The following ZDHHC3 variants were observed in gnomAD, a reference collection of about 807,000 sequenced individuals.
The protein encoded by ZDHHC3 is zDHHC palmitoyltransferase 3.
ZDHHC3 carries 9 observed loss-of-function variants against 30.6 expected under a neutral mutation model. The ratio of observed to expected loss-of-function variants is 0.29; its 90% CI spans 0.18 to 0.51. The LOEUF (loss-of-function observed/expected upper bound fraction) is 0.51. ZDHHC3 is among the 20% of genes least tolerant of loss of function. ZDHHC3 has a pLI of 0.97. For synonymous variants in ZDHHC3, 136 were observed against 140.2 expected (o/e 0.97, Z 0.21); for missense variants, 246 against 384.2 (o/e 0.64, Z 3.01).
intron 3 of ZDHHC3, among the ~76,000 whole-genome samples, chr3:44,940,137 C>T (rs1436057369): frequency 1.3e-5 from 2 of 152,192 alleles, no homozygotes; most frequent in Non-Finnish European, 2.9e-5. Context: ...CTGGCACCAT[C>T]TGCCATGAGG....
chr3:44,927,873 C>A (rs1701136788), intron 6 of ZDHHC3, among the ~76,000 whole-genome samples: 2 of 152,230 alleles, frequency 1.3e-5, no homozygotes, highest in South Asian at 4.1e-4. Context: ...TCTTTCTTCA[C>A]AGCCTAGGGA....
Position 44,916,060 on chromosome 3 carries a change from T to C in ZDHHC3, c.*10629A>G, listed in dbSNP as rs541667801. 6.6e-6 allele frequency: 1 copy of C among 152,362 alleles called. No homozygotes were observed. Among genetic ancestry groups the C allele is most frequent in the African/African-American group, 2.4e-5 (1 of 41,580 alleles). 9.4% of individuals were successfully genotyped at this position (152,362 alleles called of 1,614,324 possible). ...CCTTTACAGCTGACTCGGGCTCCTA[T>C]GTCGTCATTAATAAATATTAAAGCT... On this transcript the variant is annotated 3_prime_UTR_variant, in exon 7 of 7. Transcript: ENST00000424952.
intron 2 of ZDHHC3, among the ~76,000 whole-genome samples, chr3:44,958,064 C>T (rs1046397372): frequency 3.3e-5 from 5 of 152,178 alleles, no homozygotes; most frequent in Non-Finnish European, 7.3e-5. Flanking sequence ...TTCCCTCAGG[C>T]GATGGCTGTC....
intron 1 of ZDHHC3, chr3:44,969,786 G>A (rs1036167254): frequency 3.9e-5 from 6 of 152,212 alleles, no homozygotes; most frequent in African/African-American, 1.4e-4. Context: ...TAGGAGGCAG[G>A]AAGGCCGTGA....
At chr3:44,940,801 A>G (rs1702376754) in intron 3 of ZDHHC3, among the ~76,000 whole-genome samples, 1 of 152,074 alleles carries the variant, frequency 6.6e-6, no homozygotes, top group Non-Finnish European at 1.5e-5. Context: ...TTTCCTCTCC[A>G]AGGAGGTATG....
At position 44,918,090 on chromosome 3, in the gene ZDHHC3, C is replaced by T. The variant is rs1700314060; in HGVS notation, c.*8599G>A. On this transcript the variant is annotated 3_prime_UTR_variant, in exon 7 of 7. Coordinates refer to ENST00000424952, the MANE Select transcript of ZDHHC3 (RefSeq NM_001135179.2). ...CACCAAAGGTCTCCTTTACTGACTG[C>T]CAGCTCCCCATGTGCTCCCTGGGCT... 7.7e-7 allele frequency: 1 copy of T among 1,305,320 alleles called. No homozygotes were observed. The highest frequency in any genetic ancestry group is 1.2e-5 in the South Asian group (1 of 81,038). 80.9% of individuals were successfully genotyped at this position (1,305,320 alleles called of 1,614,324 possible).
chr3:44,921,424 C>T lies in ZDHHC3; in HGVS notation c.*5265G>A. 2 of 985,434 alleles carry T rather than the reference C, an allele frequency of 2.0e-6. No individual in the cohort carries two copies. Among genetic ancestry groups the T allele is most frequent in the South Asian group, 4.7e-5 (1 of 21,292 alleles). The allele number at this position is 985,434 out of a possible 1,614,324, so 61.0% of individuals were successfully genotyped here. A position where few individuals can be genotyped will look rare whatever the true frequency, so the allele number is the denominator to read the frequency against. Reference sequence around the variant, plus strand: ...TTTCATACCTCTATATTGTAACCCACAAGAGGAAACATTTTTCTGTTGCAT... The same window carrying T: ...TTTCATACCTCTATATTGTAACCCATAAGAGGAAACATTTTTCTGTTGCAT... On this transcript the variant is annotated 3_prime_UTR_variant, in exon 7 of 7. Transcript: ENST00000424952.
intron 3 of ZDHHC3, among the ~76,000 whole-genome samples, chr3:44,936,817 G>A (rs1467636467): frequency 6.6e-6 from 1 of 151,762 alleles, no homozygotes; most frequent in African/African-American, 2.4e-5. Context: ...CCCAACACAC[G>A]AGTTTATCTA....
rs750827618 is a variant in ZDHHC3, at chr3:44,929,443, G to A, written c.611-7C>T. On this transcript the variant is annotated splice_polypyrimidine_tract_variant and splice_region_variant and intron_variant, in intron 5 of 6. Coordinates refer to ENST00000424952, the MANE Select transcript of ZDHHC3 (RefSeq NM_001135179.2). ...GGAGAGAAGGAGCTGCACTCTGAAA[G>A]AGAAGCAGCACACAGGGATTGGTAC... 1.2e-6 allele frequency: 2 copies of A among 1,613,694 alleles called. No homozygotes were observed.
chr3:44,930,981 C>T (rs780714928), intron 5 of ZDHHC3, among the ~76,000 whole-genome samples: 5 of 152,178 alleles, frequency 3.3e-5, no homozygotes, highest in Non-Finnish European at 5.9e-5. Context: ...CTGTTCCAGC[C>T]CCTGTGTCTT....
intron 5 of ZDHHC3, among the ~76,000 whole-genome samples, chr3:44,932,073 T>C (rs1234323874): frequency 6.6e-6 from 1 of 152,108 alleles, no homozygotes; most frequent in Non-Finnish European, 1.5e-5. Flanking sequence ...TGGGAGGTGT[T>C]TGGGATGATA....
At chr3:44,965,678 T>C (rs1277705715) in intron 1 of ZDHHC3, among the ~76,000 whole-genome samples, 1 of 152,188 alleles carries the variant, frequency 6.6e-6, no homozygotes, top group African/African-American at 2.4e-5. Flanking sequence ...CAAAGCATGA[T>C]TGTCACATCA....
In ZDHHC3 at chr3:44,922,440, T is replaced by G. The variant is rs1018344279; in HGVS notation, c.*4249A>C. The stretch of plus-strand genomic sequence containing the variant: ...AAGGAGTGGTGGGCAGGCTAATAAT[T>G]TGGATCTGCTTCATACAGACTTTCT... On this transcript the variant is annotated 3_prime_UTR_variant, in exon 7 of 7. Transcript: ENST00000424952. 2.0e-6 allele frequency: 2 copies of G among 985,298 alleles called. No homozygotes were observed. Among genetic ancestry groups the G allele is most frequent in the Admixed American group, 6.1e-5 (1 of 16,266 alleles). The allele number at this position is 985,298 out of a possible 1,614,324, so 61.0% of individuals were successfully genotyped here. A position where few individuals can be genotyped will look rare whatever the true frequency, so the allele number is the denominator to read the frequency against.
In ZDHHC3 at chr3:44,967,726, TA is replaced by T. The variant is rs531242357; in HGVS notation, c.-25+8206del. On this transcript the variant is annotated intron_variant, in intron 1 of 6. Coordinates refer to ENST00000424952, the MANE Select transcript of ZDHHC3 (RefSeq NM_001135179.2). Reference sequence around the variant, plus strand: ...CAAGCCACTTGTAAGAGTAACTGGTTAAAAAAAATCAGAATTTTAGAGCTGG... The same window carrying T: ...CAAGCCACTTGTAAGAGTAACTGGTTAAAAAAATCAGAATTTTAGAGCTGG... Among the ~76,000 whole-genome samples the T allele has an allele frequency of 9.9e-5, 15 of 152,174 alleles. No individual in the cohort carries two copies. The South Asian group carries it at 2.5e-3, about 25-fold the overall frequency.
At chr3:44,964,104 T>C (rs1704721616) in intron 1 of ZDHHC3, among the ~76,000 whole-genome samples, 1 of 152,128 alleles carries the variant, frequency 6.6e-6, no homozygotes, top group Non-Finnish European at 1.5e-5. Flanking sequence ...GTATATGTGC[T>C]CAAATCAATA....
intron 1 of ZDHHC3, among the ~76,000 whole-genome samples, chr3:44,961,251 G>A (rs1030611598): frequency 6.6e-6 from 1 of 152,236 alleles, no homozygotes; most frequent in African/African-American, 2.4e-5. Flanking sequence ...AATTAGCCGG[G>A]TGTGGTGGCA....
chr3:44,971,883 ATTATTTTATTAC>A (rs1330716720), intron 1 of ZDHHC3, among the ~76,000 whole-genome samples: 1 of 152,074 alleles, frequency 6.6e-6, no homozygotes, highest in Admixed American at 6.6e-5. Context: ...CATTTCTATC[ATTATTTTATTAC>A]TTATTTTATT....
chr3:44,944,792 A>G (rs1702767668), intron 3 of ZDHHC3, among the ~76,000 whole-genome samples: 1 of 152,212 alleles, frequency 6.6e-6, no homozygotes, highest in Non-Finnish European at 1.5e-5. Flanking sequence ...ACATTCACAG[A>G]ATGATTTTCT....
rs1302954063 is a variant in ZDHHC3 at position 44,934,000 on chromosome 3, G to A, written c.432-16C>T. ...CTTACAAACACTGAAACAGCCCACA[G>A]GTCAGACCTTTAGGGCATCCCCATG... is the stretch of plus-strand genomic sequence containing the variant. On this transcript the variant is annotated splice_polypyrimidine_tract_variant and intron_variant, in intron 3 of 6. Coordinates refer to ENST00000424952, the MANE Select transcript of ZDHHC3 (RefSeq NM_001135179.2). 1 of 1,613,818 alleles carries A rather than the reference G, an allele frequency of 6.2e-7. No individual in the cohort carries two copies. Among genetic ancestry groups the A allele is most frequent in the African/African-American group, 1.3e-5 (1 of 75,048 alleles).
Sources: allele counts gnomAD v4.1 joint callset (sites outside exome capture counted in the v4.1 genomes callset), GRCh38; gene constraint gnomAD v4.1.1; transcripts MANE v1.5; gene names NCBI Gene and HGNC (gene_info 2026-07-23, HGNC 2026-07-21).